The following NLRP1 variants were observed in gnomAD, a reference collection of about 807,000 sequenced individuals.
NLRP1 encodes NLR family pyrin domain containing 1.
NLRP1 carries 94 observed loss-of-function variants against 136.7 expected under a neutral mutation model. The ratio of observed to expected loss-of-function variants is 0.69; its 90% CI spans 0.58 to 0.82. NLRP1 has a LOEUF of 0.82. NLRP1 is among the 40% of genes least tolerant of loss of function. The pLI is 0.00. For missense variants in NLRP1, 1,575 were observed against 1,802.7 expected (o/e 0.87, Z 2.29); for synonymous variants, 690 against 725.1 (o/e 0.95, Z 0.78).
At position 5,558,840 on chromosome 17, in the gene NLRP1, T is replaced by G. The variant is rs777596549; in HGVS notation, c.1856A>C (p.Tyr619Ser). Residue 619 changes from tyrosine (Y) to serine (S), a missense_variant, in exon 4 of 17, where the codon TAC becomes TCC. Physicochemically the swap from Tyr to Ser is moderately radical, Grantham distance 144. Coordinates refer to ENST00000572272, the MANE Select transcript of NLRP1 (RefSeq NM_033004.4). The stretch of plus-strand genomic sequence containing the variant: ...TTGGAAACAGAGGTGAATGAAGCTG[T>G]AGCTCAGAGGGATGGGGTGCTCTTG... The part of the protein sequence containing the change: ...ILQEHPIPLS[Y>S]SFIHLCFQEF... The G allele has an allele frequency of 6.2e-7, 1 of 1,614,094 alleles. No homozygotes were observed. Among genetic ancestry groups the G allele is most frequent in the African/African-American group, 1.3e-5 (1 of 74,940 alleles).
At position 5,520,970 on chromosome 17, in the gene NLRP1, G is replaced by A; in HGVS notation, c.3826C>T (p.His1276Tyr). ...AGTGGGGTCAGCGGGGGTGGCTTGT[G>A]GATTCGCACAAACTGGAATTTCATT... ...LEMKFQFVRIHKPPPLTPLYM... is the reference protein window; with the variant it reads ...LEMKFQFVRIYKPPPLTPLYM... Residue 1276 changes from histidine to tyrosine, a missense_variant, in exon 14 of 17, where the codon CAC becomes TAC. His to Tyr is a moderately conservative substitution (Grantham distance 83). Transcript: ENST00000572272. 2 of 1,611,980 alleles carry A rather than the reference G, an allele frequency of 1.2e-6. No homozygotes were observed. The highest frequency in any genetic ancestry group is 1.7e-6 in the Non-Finnish European group (2 of 1,178,932).
At chr17:5,529,730 T>C (rs1910004076) in intron 12 of NLRP1, among the ~76,000 whole-genome samples, 1 of 152,158 alleles carries the variant, frequency 6.6e-6, no homozygotes, top group Non-Finnish European at 1.5e-5. Context: ...TAATGGTTCA[T>C]TGCTTTTTGC....
chr17:5,512,048 T>A, downstream of NLRP1: 1 of 663,582 alleles, frequency 1.5e-6, no homozygotes, highest in Non-Finnish European at 2.8e-6. Context: ...TATCAAAAAT[T>A]AACACCTTTA....
chr17:5,583,718 C>T lies in NLRP1; in HGVS notation c.240G>A (p.Arg80=). 6.4e-7 allele frequency: 1 copy of T among 1,554,120 alleles called. No homozygotes were observed. The highest frequency in any genetic ancestry group is 8.7e-7 in the Non-Finnish European group (1 of 1,149,064). Residue 80 remains arginine (R), a synonymous_variant, in exon 1 of 17, where the codon AGG becomes AGA. Transcript: ENST00000572272. This position sits in a 1 kb window ranked among gnomAD's most constrained non-coding sequence, Gnocchi z 4.5. ...CTTCCTGGGCTTGGGCGCACAGTGA[C>T]CTCAGCCCCATCTGCTCCCAGGTAT... The part of the protein sequence containing the change: ...ALHTWEQMGL[R]SLCAQAQEGA...
intron 10 of NLRP1, 139 bp from the exon 11 acceptor site, chr17:5,533,123 T>C (rs1414146278): frequency 7.0e-7 from 1 of 1,430,760 alleles, no homozygotes; most frequent in Non-Finnish European, 9.3e-7. Context: ...CTTCTGCTCC[T>C]GCTCCATGGC....
downstream of NLRP1, chr17:5,511,960 G>A (rs1907669849): frequency 1.8e-5 from 8 of 456,750 alleles, no homozygotes; most frequent in Middle Eastern, 5.5e-4. Flanking sequence ...GGCTACAAGG[G>A]AGCCCAGCTG....
At position 5,514,569 on chromosome 17, in the gene NLRP1, A is replaced by G; in HGVS notation, c.*185T>C. ...CCTGAGATGCTGTTAGGCCACCTGG[A>G]CTGGGGCCCCCTGTGGCATCCCTGG... On this transcript the variant is annotated 3_prime_UTR_variant, in exon 17 of 17. Coordinates refer to ENST00000572272, the MANE Select transcript of NLRP1 (RefSeq NM_033004.4). 7.0e-7 allele frequency: 1 copy of G among 1,437,114 alleles called. No individual in the cohort carries two copies. The highest frequency in any genetic ancestry group is 9.1e-7 in the Non-Finnish European group (1 of 1,099,646). 89.0% of individuals were successfully genotyped at this position (1,437,114 alleles called of 1,614,324 possible).
chr17:5,515,316 G>T (rs1237319984), intron 16 of NLRP1, among the ~76,000 whole-genome samples, 157 bp downstream of exon 16: 1 of 152,156 alleles, frequency 6.6e-6, no homozygotes, highest in African/African-American at 2.4e-5. Flanking sequence ...ATAGGACAAG[G>T]GGGTATGGGG....
chr17:5,543,580 T>A (rs1912150869), intron 5 of NLRP1, among the ~76,000 whole-genome samples: 1 of 151,534 alleles, frequency 6.6e-6, no homozygotes, highest in South Asian at 2.1e-4. Context: ...TTTAGAAAGA[T>A]CCCTGAGGGA....
chr17:5,582,570 C>G, intron 2 of NLRP1, 100 bp downstream of exon 2: 1 of 1,150,426 alleles, frequency 8.7e-7, no homozygotes, highest in Non-Finnish European at 1.3e-6. Flanking sequence ...TGCTGTCCCC[C>G]ATGTCAGGTC....
At chr17:5,529,530 G>A (rs572747128) in intron 12 of NLRP1, among the ~76,000 whole-genome samples, 37 of 152,116 alleles carry the variant, frequency 2.4e-4, no homozygotes, top group Admixed American at 2.1e-3. Flanking sequence ...GCCACGCCCG[G>A]CTAATTTTTG....
Position 5,559,745 on chromosome 17 carries a change from T to A in NLRP1, c.951A>T (p.Leu317Phe). Reference protein sequence around the residue: ...NRGHLIEIRDLFGPGLDTQEP... With the variant: ...NRGHLIEIRDFFGPGLDTQEP... ...CTTGGGTATCCAGGCCTGGGCCAAA[T>A]AAGTCTCTGATCTCAATTAAATGTC... The change falls in exon 4 of 17, where the codon TTA (leucine) becomes TTT (phenylalanine). Residue 317 changes from leucine to phenylalanine, a missense_variant. By Grantham distance (22) the Leu-to-Phe change is conservative. Coordinates refer to ENST00000572272, the MANE Select transcript of NLRP1 (RefSeq NM_033004.4). 6.2e-7 allele frequency: 1 copy of A among 1,614,250 alleles called. No individual in the cohort carries two copies. Among genetic ancestry groups the A allele is most frequent in the Non-Finnish European group, 8.5e-7 (1 of 1,180,048 alleles).
chr17:5,513,704 T>C (rs1907781929), downstream of NLRP1, among the ~76,000 whole-genome samples: 1 of 152,070 alleles, frequency 6.6e-6, no homozygotes, highest in Admixed American at 6.6e-5. Flanking sequence ...CTACAACCTC[T>C]TAAGATTAAG....
In NLRP1 at chr17:5,561,426, G is replaced by GTTTTTTTTTTT. The variant is rs61194384; in HGVS notation, c.653-1394_653-1384dup. Among the ~76,000 whole-genome samples, 8 of 50,402 alleles carry GTTTTTTTTTTT rather than the reference G, an allele frequency of 1.6e-4. 1 individual carries two copies. Among genetic ancestry groups the GTTTTTTTTTTT allele is most frequent in the African/African-American group, 7.4e-4 (8 of 10,806 alleles). The allele number at this position is 50,402 out of a possible 152,430, so 33.1% of individuals were successfully genotyped here. The stretch of plus-strand genomic sequence containing the variant: ...GATAGATCAAAAAGCATGCCATGTG[G>GTTTTTTTTTTT]TTTTTTTTTTTTTTTTTTTTTTTTT... On this transcript the variant is annotated intron_variant, in intron 3 of 16. Transcript: ENST00000572272.
intron 5 of NLRP1, among the ~76,000 whole-genome samples, chr17:5,549,323 G>A (rs958862962): frequency 6.6e-6 from 1 of 151,438 alleles, no homozygotes; most frequent in African/African-American, 2.4e-5. Flanking sequence ...TTGTCACCCA[G>A]GTTGGAGTGC....
At position 5,558,561 on chromosome 17, in the gene NLRP1, T is replaced by TGCA; in HGVS notation, c.2132_2134dup (p.Leu711dup). On this transcript the variant is annotated inframe_insertion, in exon 4 of 17. Transcript: ENST00000572272. ...GTGGAGGGACTCCAGAGAGTGTGGC[T>TGCA]GCAGCAGCAGCTGCAGGGACGGGAC... The TGCA allele has an allele frequency of 6.2e-7, 1 of 1,614,090 alleles. No individual in the cohort carries two copies. The highest frequency in any genetic ancestry group is 2.2e-5 in the East Asian group (1 of 44,860).
chr17:5,539,999 G>A (rs1911661834), intron 6 of NLRP1, among the ~76,000 whole-genome samples: 1 of 152,286 alleles, frequency 6.6e-6, no homozygotes, highest in South Asian at 2.1e-4. Flanking sequence ...GTGCCCGGCC[G>A]GTAGGGCCTT....
Position 5,581,851 on chromosome 17 carries a change from G to A in NLRP1, c.652+8C>T. 6.2e-7 allele frequency: 1 copy of A among 1,608,814 alleles called. No individual in the cohort carries two copies. The highest frequency in any genetic ancestry group is 1.7e-5 in the Admixed American group (1 of 60,008). On this transcript the variant is annotated splice_region_variant and intron_variant, in intron 3 of 16. Coordinates refer to ENST00000572272, the MANE Select transcript of NLRP1 (RefSeq NM_033004.4). ...CACCACCCCGCCAGGAGCTCAGTAG[G>A]GTCTCACCTGTGTAGTAAATTCCTG...
At chr17:5,556,133 CA>C (rs971478124) in intron 4 of NLRP1, among the ~76,000 whole-genome samples, 15 of 144,146 alleles carry the variant, frequency 1.0e-4, no homozygotes, top group African/African-American at 3.4e-4. Context: ...CACACACACA[CA>C]CACACACACA....
Sources: allele counts gnomAD v4.1 joint callset (sites outside exome capture counted in the v4.1 genomes callset), GRCh38; gene constraint gnomAD v4.1.1; non-coding constraint Gnocchi (gnomAD v3.1); transcripts MANE v1.5; gene names NCBI Gene and HGNC (gene_info 2026-07-23, HGNC 2026-07-21).